Variants in SPATA7 observed in about 807,000 individuals in gnomAD.
The protein encoded by SPATA7 is spermatogenesis associated 7.
A neutral mutation model predicts 51.8 loss-of-function variants in SPATA7; 43 were observed. The ratio of observed to expected loss-of-function variants is 0.83; its 90% CI spans 0.65 to 1.07. The LOEUF (loss-of-function observed/expected upper bound fraction) is 1.07, where lower values mean the gene tolerates loss of function less well. Among genes scored for constraint, SPATA7 ranks in the 50% least tolerant of loss-of-function variants. The pLI, the probability that SPATA7 is intolerant of heterozygous loss-of-function variation, is 0.00. For missense variants in SPATA7, 683 were observed against 701.3 expected, an observed-to-expected ratio of 0.97 and a Z score of 0.30; for synonymous variants, 230 against 252.8, an observed-to-expected ratio of 0.91 and a Z score of 0.86.
At chr14:88,468,729 T>G (rs2077404937) in intron 4 of SPATA7, among the ~76,000 whole-genome samples, 1 of 152,200 alleles carries the variant, frequency 6.6e-6, no homozygotes, top group Admixed American at 6.5e-5. Flanking sequence ...CTTCTTAGTC[T>G]TTAATATGCT....
chr14:88,469,625 CAG>C lies in SPATA7; in HGVS notation c.255-219_255-218del. The C allele has an allele frequency of 6.2e-7, 1 of 1,614,136 alleles. No individual in the cohort carries two copies. The highest frequency in any genetic ancestry group is 8.5e-7 in the Non-Finnish European group (1 of 1,180,028). On this transcript the variant is annotated intron_variant, in intron 4 of 4. Coordinates refer to the SPATA7 transcript ENST00000556406. This position sits in a 1 kb window ranked among gnomAD's most constrained non-coding sequence, Gnocchi z 4.3. Reference sequence around the variant, plus strand: ...TTCAGGCCTGTGGTGGCATAGCAGCCAGAGTCTGTGCGGAACCGGGTCGTGAT... The same window carrying C: ...TTCAGGCCTGTGGTGGCATAGCAGCCAGTCTGTGCGGAACCGGGTCGTGAT...
At chr14:88,396,987 C>G (rs546122059) in intron 4 of SPATA7, among the ~76,000 whole-genome samples, 2 of 152,130 alleles carry the variant, frequency 1.3e-5, no homozygotes, top group South Asian at 4.2e-4. Context: ...ATCCTCCCAC[C>G]TCAGCCTCCC....
chr14:88,398,786 C>T (rs1223409022), intron 4 of SPATA7, among the ~76,000 whole-genome samples: 1 of 152,088 alleles, frequency 6.6e-6, no homozygotes. Flanking sequence ...GGTGCAGTGG[C>T]TCATGCCTGT....
At chr14:88,465,755 A>AATG (rs1292687000) in intron 4 of SPATA7, 6 of 152,214 alleles carry the variant, frequency 3.9e-5, no homozygotes, top group African/African-American at 1.2e-4. Context: ...TGCTCTTGAA[A>AATG]ATGATACTAT....
Position 88,385,731 on chromosome 14 carries a change from A to G in SPATA7, c.-88A>G, listed in dbSNP as rs1211210480. The G allele has an allele frequency of 1.5e-6, 2 of 1,331,270 alleles. No homozygotes were observed. Among genetic ancestry groups the G allele is most frequent in the African/African-American group, 2.9e-5 (2 of 69,990 alleles). The allele number at this position is 1,331,270 out of a possible 1,614,324, so 82.5% of individuals were successfully genotyped here. A position where few individuals can be genotyped will look rare whatever the true frequency, so the allele number is the denominator to read the frequency against. ...CAGCCCCCGTCGGCTCCTCTTTTCC[A>G]GTCCTCCACTGCCGGGGCTGGGCCC... On this transcript the variant is annotated 5_prime_UTR_variant, in exon 1 of 12. Coordinates refer to ENST00000393545, the MANE Select transcript of SPATA7 (RefSeq NM_018418.5).
rs371618316 is a variant in SPATA7, at chr14:88,391,460, G to A, written c.94+5G>A. 4.0e-5 allele frequency: 65 copies of A among 1,612,666 alleles called. No individual in the cohort carries two copies. The highest frequency in any genetic ancestry group is 5.3e-5 in the Non-Finnish European group (63 of 1,179,026). ...ACTTGAGCACCAAAAGTAATGGTAA[G>A]TGAGGTGCTTAAAACGGCAGCTTTG... is the stretch of plus-strand genomic sequence containing the variant. On this transcript the variant is annotated splice_donor_5th_base_variant and intron_variant, in intron 2 of 11. Coordinates refer to ENST00000393545, the MANE Select transcript of SPATA7 (RefSeq NM_018418.5).
chr14:88,417,352 G>T (rs528194406), intron 5 of SPATA7, among the ~76,000 whole-genome samples: 1 of 149,374 alleles, frequency 6.7e-6, no homozygotes, highest in South Asian at 2.1e-4. Flanking sequence ...TGTTGCCCAG[G>T]CTGGAGTGCA....
At chr14:88,468,167 G>A in intron 4 of SPATA7, 1 of 1,613,842 alleles carries the variant, frequency 6.2e-7, no homozygotes, top group South Asian at 1.1e-5. Flanking sequence ...TCAGGAACTG[G>A]ATGAGGACTC....
intron 11 of SPATA7, 80 bp from the exon 12 acceptor site, chr14:88,437,758 C>A: frequency 7.0e-7 from 1 of 1,420,290 alleles, no homozygotes; most frequent in East Asian, 2.3e-5. Flanking sequence ...AAGTATTAAT[C>A]CTGTGAGATT....
chr14:88,433,110 G>T, intron 9 of SPATA7, 25 bp from the exon 10 acceptor site: 2 of 1,563,948 alleles, frequency 1.3e-6, no homozygotes, highest in East Asian at 2.3e-5. Flanking sequence ...TAATTTTTAT[G>T]CTATATATTG....
rs144691534 is a variant in SPATA7 at position 88,388,425 on chromosome 14, A to G, written c.19+2588A>G. On this transcript the variant is annotated intron_variant, in intron 1 of 11. Transcript: ENST00000393545. ...CCTTCAATCTCATTGACAAGATTTT[A>G]GTCCTAATAGTTAGAGAATGATGTT... Among the ~76,000 whole-genome samples, 165 of 152,334 alleles carry G rather than the reference A, an allele frequency of 1.1e-3. 2 individuals are homozygous for G. In the East Asian group the frequency reaches 0.023, roughly 22 times the overall value.
At position 88,468,871 on chromosome 14, in the gene SPATA7, C is replaced by T. The variant is rs907047692; in HGVS notation, c.255-976C>T. ...GTCACTATGTCCCTCTCTTCCCCAGCCTCATTTCCACCCAAAAAGGCCAGG... is the reference window on the plus strand; with the variant it reads ...GTCACTATGTCCCTCTCTTCCCCAGTCTCATTTCCACCCAAAAAGGCCAGG... On this transcript the variant is annotated intron_variant, in intron 4 of 4. Transcript: ENST00000556406. 3.1e-6 allele frequency: 5 copies of T among 1,612,492 alleles called. No homozygotes were observed. In the African/African-American group the frequency reaches 5.3e-5, roughly 17 times the overall value.
intron 5 of SPATA7, among the ~76,000 whole-genome samples, chr14:88,419,653 G>A (rs2076584358): frequency 6.6e-6 from 1 of 151,502 alleles, no homozygotes; most frequent in Non-Finnish European, 1.5e-5. Flanking sequence ...CAGCCTCCGA[G>A]TAGCTGGGAC....
chr14:88,447,111 G>T (rs2077219319), intron 3 of SPATA7, among the ~76,000 whole-genome samples: 1 of 150,144 alleles, frequency 6.7e-6, no homozygotes, highest in South Asian at 2.1e-4. Flanking sequence ...ATTAATGTGT[G>T]GGAGTCTAAG....
At chr14:88,397,570 G>C (rs1161269215) in intron 4 of SPATA7, among the ~76,000 whole-genome samples, 1 of 151,320 alleles carries the variant, frequency 6.6e-6, no homozygotes, top group East Asian at 1.9e-4. Flanking sequence ...TTGAGCCAGG[G>C]AGGTCAAGGC....
At chr14:88,396,470 T>A (rs572003437) in intron 4 of SPATA7, among the ~76,000 whole-genome samples, 1 of 152,194 alleles carries the variant, frequency 6.6e-6, no homozygotes, top group Non-Finnish European at 1.5e-5. Flanking sequence ...CTGTCACCAT[T>A]GTACTTACTA....
At chr14:88,401,869 T>C (rs550155026) in intron 4 of SPATA7, among the ~76,000 whole-genome samples, 179 of 142,596 alleles carry the variant, frequency 1.3e-3, no homozygotes, top group Admixed American at 2.4e-3. Flanking sequence ...AAAAGTAAGG[T>C]TACTTCTGTT....
intron 4 of SPATA7, among the ~76,000 whole-genome samples, chr14:88,407,182 G>A (rs1037861816): frequency 6.6e-6 from 1 of 152,138 alleles, no homozygotes; most frequent in Non-Finnish European, 1.5e-5. Context: ...GATCCTTGAG[G>A]AATTGCCACA....
At chr14:88,410,600 A>C (rs1206447369) in intron 4 of SPATA7, 2 of 151,772 alleles carry the variant, frequency 1.3e-5, no homozygotes, top group Non-Finnish European at 2.9e-5. Context: ...CTTTTTGTTG[A>C]TGTTGATGCT....
Sources: gnomAD v4.1 joint callset for allele counts (sites outside exome capture counted in the v4.1 genomes callset) on GRCh38, gnomAD v4.1.1 for gene constraint, Gnocchi (gnomAD v3.1) non-coding constraint, MANE v1.5 for transcripts, NCBI Gene and HGNC (gene_info 2026-07-23, HGNC 2026-07-21) for gene names.